Variants in PAK1 observed in about 807,000 individuals in gnomAD.
The protein encoded by PAK1 is p21 (RAC1) activated kinase 1, also known as serine/threonine-protein kinase PAK 1.
PAK1 carries 29 observed loss-of-function variants against 67.4 expected under a neutral mutation model. That is an observed-to-expected ratio of 0.43 (90% confidence interval 0.32 to 0.59). The LOEUF (loss-of-function observed/expected upper bound fraction) is 0.59, where lower values mean the gene tolerates loss of function less well. Ranked by LOEUF, PAK1 falls within the 20% of genes least tolerant of loss-of-function variation. PAK1 has a pLI of 0.07. For missense variants in PAK1, 337 were observed against 670.7 expected (o/e 0.50, Z 5.50); for synonymous variants, 223 against 237.4 (o/e 0.94, Z 0.56).
intron 5 of PAK1, among the ~76,000 whole-genome samples, chr11:77,372,910 T>C (rs1413703591): frequency 6.6e-6 from 1 of 152,202 alleles, no homozygotes; most frequent in East Asian, 1.9e-4. Context: ...TTTCATTCAG[T>C]AAATGTTTAC....
intron 1 of PAK1, among the ~76,000 whole-genome samples, chr11:77,435,191 G>C (rs1486594749): frequency 1.3e-5 from 2 of 150,702 alleles, no homozygotes; most frequent in East Asian, 3.9e-4. Context: ...TACACTCTAA[G>C]TAGGTGAATT....
chr11:77,485,233 G>C, the PAK1 span, among the ~76,000 whole-genome samples: 3 of 152,138 alleles, frequency 2.0e-5, no homozygotes, highest in Non-Finnish European at 4.4e-5. Flanking sequence ...TAGTTGAAAT[G>C]AATAAGCTCT....
intron 14 of PAK1, among the ~76,000 whole-genome samples, chr11:77,324,776 CAG>C (rs749691736): frequency 7.9e-5 from 10 of 126,782 alleles, no homozygotes; most frequent in African/African-American, 1.6e-4. Flanking sequence ...CACACACACA[CAG>C]AGAGAGAGAG....
chr11:77,449,769 C>T (rs1015349109), intron 1 of PAK1, among the ~76,000 whole-genome samples: 2 of 150,496 alleles, frequency 1.3e-5, no homozygotes, highest in African/African-American at 4.9e-5. Flanking sequence ...GAAACAGTTT[C>T]TCAATACCCT....
At chr11:77,454,346 A>T (rs1724975434) in intron 1 of PAK1, among the ~76,000 whole-genome samples, 1 of 152,166 alleles carries the variant, frequency 6.6e-6, no homozygotes, top group Non-Finnish European at 1.5e-5. Flanking sequence ...TCATTGTACA[A>T]GTCCCTCAGA....
intron 1 of PAK1, among the ~76,000 whole-genome samples, chr11:77,405,927 C>T (rs981061039): frequency 3.9e-5 from 6 of 152,320 alleles, no homozygotes; most frequent in Admixed American, 6.5e-5. Flanking sequence ...TCTGTCCTCA[C>T]GTTACTCAGT....
In PAK1 at chr11:77,372,993, G is replaced by A. The variant is rs556863738; in HGVS notation, c.477+1335C>T. Among the ~76,000 whole-genome samples, 5 of 151,704 alleles carry A rather than the reference G, an allele frequency of 3.3e-5. No homozygotes were observed. In the East Asian group the frequency reaches 5.8e-4, roughly 18 times the overall value. ...CAGAGACAGCCCCTGGCTTCATGAAGGTTAGCATGCTGCACTATAATTGTC... is the reference window on the plus strand; with the variant it reads ...CAGAGACAGCCCCTGGCTTCATGAAAGTTAGCATGCTGCACTATAATTGTC... On this transcript the variant is annotated intron_variant, in intron 5 of 14. Transcript: ENST00000356341.
At chr11:77,490,436 C>T in the PAK1 span, among the ~76,000 whole-genome samples, 6 of 146,544 alleles carry the variant, frequency 4.1e-5, no homozygotes, top group African/African-American at 1.3e-4. Flanking sequence ...CCCGGCCAGC[C>T]GCCCCGTCTG....
chr11:77,488,449 AG>A, the PAK1 span, among the ~76,000 whole-genome samples: 4 of 152,218 alleles, frequency 2.6e-5, no homozygotes, highest in African/African-American at 9.6e-5. Context: ...GAACTAAATC[AG>A]GCACCAGTGA....
intron 1 of PAK1, among the ~76,000 whole-genome samples, chr11:77,437,942 T>C (rs1044408283): frequency 6.6e-6 from 1 of 152,156 alleles, no homozygotes; most frequent in African/African-American, 2.4e-5. Context: ...TTCCCAGACT[T>C]GTGCTGCTTC....
At chr11:77,377,211 G>T (rs1949204713) in intron 4 of PAK1, among the ~76,000 whole-genome samples, 1 of 152,242 alleles carries the variant, frequency 6.6e-6, no homozygotes, top group African/African-American at 2.4e-5. Context: ...GGAGGCACAG[G>T]CTGCAGTGAG....
At chr11:77,478,399 T>TA (rs1565732298), upstream of PAK1, among the ~76,000 whole-genome samples, 2 of 152,192 alleles carry the variant, frequency 1.3e-5, no homozygotes, top group African/African-American at 4.8e-5. Flanking sequence ...AAGCTCTTCT[T>TA]ACACTTTCTT....
At chr11:77,462,122 C>T (rs1022670981) in intron 1 of PAK1, among the ~76,000 whole-genome samples, 4 of 151,664 alleles carry the variant, frequency 2.6e-5, no homozygotes, top group African/African-American at 7.3e-5. Context: ...GTCAGGAGAT[C>T]GAGACCATCC....
At chr11:77,461,372 C>T (rs184267445) in intron 1 of PAK1, among the ~76,000 whole-genome samples, 4 of 152,246 alleles carry the variant, frequency 2.6e-5, no homozygotes, top group East Asian at 1.9e-4. Flanking sequence ...AATCAGCTGA[C>T]GTTAAGTAAA....
the PAK1 span, among the ~76,000 whole-genome samples, chr11:77,496,876 T>C: frequency 6.6e-6 from 1 of 152,102 alleles, no homozygotes; most frequent in Non-Finnish European, 1.5e-5. Flanking sequence ...GAGTTTGCAG[T>C]GAACCTAGAT....
the PAK1 span, among the ~76,000 whole-genome samples, chr11:77,481,102 T>G: frequency 1.1e-4 from 16 of 152,338 alleles, no homozygotes; most frequent in African/African-American, 3.8e-4. Context: ...TATTCTCTAT[T>G]TGTTGGATGC....
chr11:77,473,738 G>C lies in PAK1; in HGVS notation c.-208C>G, dbSNP rs1264694736. 2 of 151,820 alleles carry C rather than the reference G, an allele frequency of 1.3e-5. No homozygotes were observed. Among genetic ancestry groups the C allele is most frequent in the East Asian group, 1.9e-4 (1 of 5,132 alleles). The allele number at this position is 151,820 out of a possible 1,614,324, so 9.4% of individuals were successfully genotyped here. A position where few individuals can be genotyped will look rare whatever the true frequency, so the allele number is the denominator to read the frequency against. On this transcript the variant is annotated 5_prime_UTR_variant, in exon 1 of 15. Coordinates refer to ENST00000356341, the MANE Select transcript of PAK1 (RefSeq NM_002576.5). ...GGGAACTGCGAGGGAAGGGATGATG[G>C]GGGGGCGGGAGGGAGCGAGGCGACG...
At chr11:77,380,205 G>A (rs915005810) in intron 2 of PAK1, among the ~76,000 whole-genome samples, 3 of 152,110 alleles carry the variant, frequency 2.0e-5, no homozygotes, top group East Asian at 1.9e-4. Context: ...ACTAAAGTAC[G>A]GGAGGTGGCC....
At chr11:77,403,799 T>C (rs1953047039) in intron 1 of PAK1, among the ~76,000 whole-genome samples, 1 of 152,234 alleles carries the variant, frequency 6.6e-6, no homozygotes, top group Admixed American at 6.5e-5. Flanking sequence ...CCTTCTGCTT[T>C]GGTTTGAATG....
Sources: allele counts gnomAD v4.1 joint callset (sites outside exome capture counted in the v4.1 genomes callset), GRCh38; gene constraint gnomAD v4.1.1; transcripts MANE v1.5; gene names NCBI Gene and HGNC (gene_info 2026-07-23, HGNC 2026-07-21).